The following IL33 variants were observed in gnomAD, a reference collection of about 807,000 sequenced individuals.
The protein encoded by IL33 is interleukin 33, also known as interleukin-33.
IL33 carries 37 observed loss-of-function variants against 27.3 expected under a neutral mutation model. The ratio of observed to expected loss-of-function variants is 1.36; its 90% CI spans 1.04 to 1.78. The LOEUF (loss-of-function observed/expected upper bound fraction) is 1.78, where lower values mean the gene tolerates loss of function less well. Ranked by LOEUF, IL33 falls within the 40% of genes most tolerant of loss-of-function variation. IL33 has a pLI of 0.00. For synonymous variants in IL33, 132 were observed against 102.9 expected, an observed-to-expected ratio of 1.28 and a Z score of -1.71; for missense variants, 406 against 311.4, an observed-to-expected ratio of 1.30 and a Z score of -2.29.
intron 1 of IL33, among the ~76,000 whole-genome samples, chr9:6,233,440 C>T (rs1472622705): frequency 6.6e-6 from 1 of 152,176 alleles, no homozygotes; most frequent in Admixed American, 6.6e-5. Flanking sequence ...TTCTTTCCCC[C>T]TCTCTTCTGT....
intron 3 of IL33, 80 bp from the exon 4 acceptor site, chr9:6,251,060 G>T: frequency 6.5e-7 from 1 of 1,549,504 alleles, no homozygotes; most frequent in Non-Finnish European, 8.7e-7. Flanking sequence ...TCAGCAAGCA[G>T]CCTTAACTGG....
At chr9:6,238,171 T>C (rs1377685761) in intron 1 of IL33, among the ~76,000 whole-genome samples, 1 of 152,116 alleles carries the variant, frequency 6.6e-6, no homozygotes, top group Non-Finnish European at 1.5e-5. Context: ...AAGATGGAAG[T>C]CAGGAGGCTA....
chr9:6,218,389 C>A (rs1186029612), intron 1 of IL33, among the ~76,000 whole-genome samples: 1 of 151,880 alleles, frequency 6.6e-6, no homozygotes, highest in Non-Finnish European at 1.5e-5. Context: ...ATTGAAATAG[C>A]CAGAACTGAA....
intron 1 of IL33, among the ~76,000 whole-genome samples, chr9:6,219,399 T>A (rs1467729316): frequency 6.6e-6 from 1 of 152,076 alleles, no homozygotes; most frequent in Admixed American, 6.6e-5. Flanking sequence ...TTGGGGGCGC[T>A]TCCTCCCTAT....
upstream of IL33, among the ~76,000 whole-genome samples, chr9:6,215,599 A>G (rs1217905254): frequency 3.9e-5 from 6 of 152,196 alleles, no homozygotes; most frequent in Non-Finnish European, 8.8e-5. Context: ...GCAGAAGAAG[A>G]ATCATAATTG....
rs1005876126 is a variant in IL33 at position 6,251,076 on chromosome 9, C to G, written c.218-64C>G. On this transcript the variant is annotated intron_variant, in intron 3 of 7. Transcript: ENST00000682010. The stretch of plus-strand genomic sequence containing the variant: ...CAGCAAGCAGCCTTAACTGGGAATC[C>G]TCAAAGGGGCATTTGTGCAGAGTGG... 5 of 1,577,688 alleles carry G rather than the reference C, an allele frequency of 3.2e-6. No individual in the cohort carries two copies. In the South Asian group the frequency reaches 4.6e-5, roughly 15 times the overall value.
intron 1 of IL33, among the ~76,000 whole-genome samples, chr9:6,228,494 T>A (rs1818753759): frequency 6.6e-6 from 1 of 151,762 alleles, no homozygotes; most frequent in African/African-American, 2.4e-5. Flanking sequence ...AAACCAAAGG[T>A]CTCTATGTTC....
chr9:6,236,555 T>C (rs1435820200), intron 1 of IL33, among the ~76,000 whole-genome samples: 1 of 152,034 alleles, frequency 6.6e-6, no homozygotes, highest in Non-Finnish European at 1.5e-5. Context: ...AATGATTAAC[T>C]AAGTGTAACT....
chr9:6,218,346 G>A (rs78121143), intron 1 of IL33, among the ~76,000 whole-genome samples: 3,036 of 152,132 alleles, frequency 0.02, 40 homozygotes, highest in South Asian at 0.035. Flanking sequence ...TTTATAGAGA[G>A]AAAAGAATCC....
chr9:6,224,909 A>G (rs899654245), intron 1 of IL33, among the ~76,000 whole-genome samples: 1 of 151,976 alleles, frequency 6.6e-6, no homozygotes, highest in African/African-American at 2.4e-5. Flanking sequence ...CAGTTTTGTG[A>G]ATTTATTTGA....
chr9:6,252,068 C>CAAAAA (rs1564073279), intron 4 of IL33, among the ~76,000 whole-genome samples: 2 of 74,846 alleles, frequency 2.7e-5, no homozygotes, highest in African/African-American at 5.6e-5. Flanking sequence ...AAAAAAAACC[C>CAAAAA]AACAAAAAAC....
chr9:6,251,078 C>T lies in IL33; in HGVS notation c.218-62C>T, dbSNP rs999474826. On this transcript the variant is annotated intron_variant, in intron 3 of 7. Coordinates refer to ENST00000682010, the MANE Select transcript of IL33 (RefSeq NM_033439.4). The stretch of plus-strand genomic sequence containing the variant: ...GCAAGCAGCCTTAACTGGGAATCCT[C>T]AAAGGGGCATTTGTGCAGAGTGGGG... The T allele has an allele frequency of 1.0e-5, 16 of 1,580,098 alleles. No individual in the cohort carries two copies. In the African/African-American group the frequency reaches 1.6e-4, roughly 16 times the overall value.
chr9:6,240,691 C>A, intron 1 of IL33, among the ~76,000 whole-genome samples: 1 of 152,216 alleles, frequency 6.6e-6, no homozygotes, highest in East Asian at 1.9e-4. Flanking sequence ...AGGCGTAGGT[C>A]GTTACTGACC....
At chr9:6,225,637 T>C (rs1176755536) in intron 1 of IL33, among the ~76,000 whole-genome samples, 1 of 152,242 alleles carries the variant, frequency 6.6e-6, no homozygotes, top group Non-Finnish European at 1.5e-5. Flanking sequence ...TCTAAGACTG[T>C]AAACTTCCAT....
At chr9:6,252,366 T>C (rs1816448338) in intron 4 of IL33, among the ~76,000 whole-genome samples, 1 of 152,168 alleles carries the variant, frequency 6.6e-6, no homozygotes. Context: ...ATTTTGACAC[T>C]TTTTAAAAGT....
intron 1 of IL33, among the ~76,000 whole-genome samples, chr9:6,217,934 C>T (rs1818218347): frequency 6.7e-6 from 1 of 148,528 alleles, no homozygotes; most frequent in Non-Finnish European, 1.5e-5. Context: ...TTCTGTGCCA[C>T]ACTGGGGTCC....
rs1816833540 is a variant in IL33, at chr9:6,257,939, AC to A, written c.*1772del. The A allele has an allele frequency of 1.6e-4, 2 of 12,892 alleles. No individual in the cohort carries two copies. The highest frequency in any genetic ancestry group is 1.3e-3 in the Non-Finnish European group (1 of 748). The allele number at this position is 12,892 out of a possible 1,614,324, so 0.8% of individuals were successfully genotyped here. A position where few individuals can be genotyped will look rare whatever the true frequency, so the allele number is the denominator to read the frequency against. Reference sequence around the variant, plus strand: ...GATTATTAAATAATCAAATATATCTACTACATTGTTTATATTATTGAATAAA... The same window carrying A: ...GATTATTAAATAATCAAATATATCTATACATTGTTTATATTATTGAATAAA... On this transcript the variant is annotated 3_prime_UTR_variant, in exon 8 of 8. Coordinates refer to ENST00000682010, the MANE Select transcript of IL33 (RefSeq NM_033439.4).
intron 4 of IL33, 25 bp downstream of exon 4, chr9:6,251,290 T>C (rs760578377): frequency 6.2e-7 from 1 of 1,611,072 alleles, no homozygotes; most frequent in Non-Finnish European, 8.5e-7. Context: ...AGGGGTGATG[T>C]GGGAGTGAGG....
upstream of IL33, among the ~76,000 whole-genome samples, chr9:6,215,213 C>A (rs1243532898): frequency 6.6e-6 from 1 of 152,118 alleles, no homozygotes; most frequent in East Asian, 1.9e-4. Flanking sequence ...GTAAGAAGAA[C>A]AACTTCTCAT....
Sources: gnomAD v4.1 joint callset for allele counts (sites outside exome capture counted in the v4.1 genomes callset) on GRCh38, gnomAD v4.1.1 for gene constraint, MANE v1.5 for transcripts, NCBI Gene and HGNC (gene_info 2026-07-23, HGNC 2026-07-21) for gene names.